The following NT5DC3 variants were observed in gnomAD, a reference collection of about 807,000 sequenced individuals.
The protein encoded by NT5DC3 is 5'-nucleotidase domain containing 3.
In NT5DC3, 42 loss-of-function variants were observed where a neutral mutation model predicts 67.8. The observed-to-expected ratio is 0.62, with a 90% CI of 0.48 to 0.80. The LOEUF is 0.80. Among genes scored for constraint, NT5DC3 ranks in the 30% least tolerant of loss-of-function variants. NT5DC3 has a pLI of 0.00. For missense variants in NT5DC3, 570 were observed against 696.4 expected (o/e 0.82, Z 2.04); for synonymous variants, 237 against 255.6 (o/e 0.93, Z 0.69).
At chr12:103,753,502 A>T in the NT5DC3 span, 1 of 1,067,478 alleles carries the variant, frequency 9.4e-7, no homozygotes. Flanking sequence ...CACCATGTCC[A>T]TTTATTGGGC....
At chr12:103,750,833 G>A in the NT5DC3 span, 1 of 1,389,638 alleles carries the variant, frequency 7.2e-7, no homozygotes. Flanking sequence ...GCTCAAGCCT[G>A]TAATCCCAAT....
At chr12:103,761,236 T>C in the NT5DC3 span, 5 of 1,477,636 alleles carry the variant, frequency 3.4e-6, no homozygotes, top group Admixed American at 3.4e-5. Flanking sequence ...TTGAACAACT[T>C]CCCTCCATGG....
downstream of NT5DC3, chr12:103,770,324 C>A (rs1399936385): frequency 6.6e-6 from 1 of 152,138 alleles, no homozygotes; most frequent in African/African-American, 2.4e-5. Context: ...AAAATACATA[C>A]TTGGTAAAAT....
chr12:103,749,764 CAGG>C, the NT5DC3 span, among the ~76,000 whole-genome samples: 2 of 135,060 alleles, frequency 1.5e-5, no homozygotes, highest in Admixed American at 1.7e-4. Context: ...GGCATGAACA[CAGG>C]AGGCGGAGCT....
At chr12:103,816,738 T>G (rs1887269908) in intron 1 of NT5DC3, among the ~76,000 whole-genome samples, 1 of 152,196 alleles carries the variant, frequency 6.6e-6, no homozygotes, top group African/African-American at 2.4e-5. Context: ...TGCTTTATTA[T>G]TAGAATTATT....
At chr12:103,805,845 CAAAAAA>C (rs34163004) in intron 4 of NT5DC3, among the ~76,000 whole-genome samples, 1 of 48,768 alleles carries the variant, frequency 2.1e-5, no homozygotes. Context: ...GACTCCACCT[CAAAAAA>C]AAAAAAAAAA....
In NT5DC3 at chr12:103,799,096, C is replaced by T. The variant is rs145939777; in HGVS notation, c.525-419G>A. 7.9e-5 allele frequency among the ~76,000 whole-genome samples: 12 copies of T among 152,334 alleles called. No homozygotes were observed. In the East Asian group the frequency reaches 2.1e-3, roughly 27 times the overall value. ...CAAGATTAGAACCCAGGCTTTCTGGCTCTATGGTCCAGGCTCTCACACCAC... is the reference window on the plus strand; with the variant it reads ...CAAGATTAGAACCCAGGCTTTCTGGTTCTATGGTCCAGGCTCTCACACCAC... On this transcript the variant is annotated intron_variant, in intron 4 of 13. Coordinates refer to ENST00000392876, the MANE Select transcript of NT5DC3 (RefSeq NM_001031701.3).
At chr12:103,761,430 G>A in the NT5DC3 span, 1 of 1,610,012 alleles carries the variant, frequency 6.2e-7, no homozygotes, top group South Asian at 1.1e-5. Context: ...TAGGGTCCCT[G>A]ATAACGGGCC....
intron 1 of NT5DC3, among the ~76,000 whole-genome samples, chr12:103,830,876 A>G (rs1477727635): frequency 1.3e-5 from 2 of 152,166 alleles, no homozygotes; most frequent in Non-Finnish European, 2.9e-5. Flanking sequence ...ATTCATATTA[A>G]TTGTGCTGTC....
chr12:103,834,441 G>A (rs891189564), intron 1 of NT5DC3, among the ~76,000 whole-genome samples: 13 of 152,180 alleles, frequency 8.5e-5, no homozygotes, highest in African/African-American at 3.1e-4. Flanking sequence ...CTGAGAAACT[G>A]TTACAGCCTA....
the NT5DC3 span, among the ~76,000 whole-genome samples, chr12:103,758,599 C>T: frequency 6.6e-6 from 1 of 152,186 alleles, no homozygotes; most frequent in Non-Finnish European, 1.5e-5. Flanking sequence ...CCCAACAGTG[C>T]TTTCTCAAGC....
Position 103,799,347 on chromosome 12 carries a change from G to A in NT5DC3, c.525-670C>T, listed in dbSNP as rs1292679384. Among the ~76,000 whole-genome samples the A allele has an allele frequency of 5.3e-5, 8 of 152,122 alleles. No individual in the cohort carries two copies. The East Asian group carries it at 1.5e-3, about 29-fold the overall frequency. On this transcript the variant is annotated intron_variant, in intron 4 of 13. Transcript: ENST00000392876. Reference sequence around the variant, plus strand: ...ATTCCCAGATTGTGGGAGGGACCTGGTGGGAGAACACTGAATCACCGGAGC... The same window carrying A: ...ATTCCCAGATTGTGGGAGGGACCTGATGGGAGAACACTGAATCACCGGAGC...
intron 4 of NT5DC3, chr12:103,802,488 C>T (rs1386027833): frequency 1.3e-5 from 2 of 152,230 alleles, no homozygotes; most frequent in Admixed American, 1.3e-4. Flanking sequence ...AAACACATGA[C>T]TCAAGTCATT....
rs117809402 is a variant in NT5DC3 at position 103,806,583 on chromosome 12, A to G, written c.469-206T>C. Among the ~76,000 whole-genome samples the G allele has an allele frequency of 7.0e-3, 1,072 of 152,298 alleles. 17 individuals carry two copies. Among genetic ancestry groups the G allele is most frequent in the Admixed American group, 0.036 (544 of 15,296 alleles). On this transcript the variant is annotated intron_variant, in intron 3 of 13. Coordinates refer to ENST00000392876, the MANE Select transcript of NT5DC3 (RefSeq NM_001031701.3). ...GCCTATCTGCAAAAGACAGGGGAAA[A>G]AAATAGATATGGCAACTGGTTCCTC... is the stretch of plus-strand genomic sequence containing the variant.
rs143231400 is a variant in NT5DC3 at position 103,789,012 on chromosome 12, C to G, written c.1020-93G>C. On this transcript the variant is annotated intron_variant, in intron 9 of 13. Coordinates refer to ENST00000392876, the MANE Select transcript of NT5DC3 (RefSeq NM_001031701.3). ...TTATTCACTATCACAGGAAGTAGCTCCCTGCAAAAACCTAAAAAAAACCCG... is the reference window on the plus strand; with the variant it reads ...TTATTCACTATCACAGGAAGTAGCTGCCTGCAAAAACCTAAAAAAAACCCG... 4.5e-4 allele frequency: 397 copies of G among 873,158 alleles called. 4 individuals carry two copies. Among genetic ancestry groups the G allele is most frequent in the Middle Eastern group, 2.2e-3 (8 of 3,682 alleles). 54.1% of individuals were successfully genotyped at this position (873,158 alleles called of 1,614,324 possible).
At chr12:103,793,031 G>A (rs536664712) in intron 9 of NT5DC3, 133 bp downstream of exon 9, 1 of 702,990 alleles carries the variant, frequency 1.4e-6, no homozygotes, top group Admixed American at 2.7e-5. Flanking sequence ...TTACTTGCTA[G>A]AAGGGTTAAA....
the NT5DC3 span, among the ~76,000 whole-genome samples, chr12:103,747,720 A>T: frequency 6.6e-6 from 1 of 152,184 alleles, no homozygotes; most frequent in South Asian, 2.1e-4. Flanking sequence ...CTAGGCTGGG[A>T]GCAATGGCTC....
chr12:103,754,468 T>C, the NT5DC3 span, among the ~76,000 whole-genome samples: 1 of 152,044 alleles, frequency 6.6e-6, no homozygotes, highest in Admixed American at 6.6e-5. Flanking sequence ...CCTCATAGGG[T>C]TGATTGAGAG....
chr12:103,803,553 T>C (rs1464486114), intron 4 of NT5DC3, among the ~76,000 whole-genome samples: 1 of 152,178 alleles, frequency 6.6e-6, no homozygotes, highest in Non-Finnish European at 1.5e-5. Context: ...GGGTTTGTTG[T>C]AGATATTTCA....
Sources: allele counts gnomAD v4.1 joint callset (sites outside exome capture counted in the v4.1 genomes callset), GRCh38; gene constraint gnomAD v4.1.1; transcripts MANE v1.5; gene names NCBI Gene and HGNC (gene_info 2026-07-23, HGNC 2026-07-21).